The following SEMA6D variants were observed in gnomAD, a reference collection of about 807,000 sequenced individuals.
SEMA6D encodes the protein semaphorin 6D.
In SEMA6D, 35 loss-of-function variants were observed where a neutral mutation model predicts 106.6. The observed-to-expected ratio is 0.33, with a 90% CI of 0.25 to 0.44. SEMA6D has a LOEUF of 0.44. SEMA6D is among the 20% of genes least tolerant of loss of function. The pLI, the probability that SEMA6D is intolerant of heterozygous loss-of-function variation, is 1.00. For synonymous variants in SEMA6D, 499 were observed against 487.7 expected, an observed-to-expected ratio of 1.02 and a Z score of -0.31; for missense variants, 1,185 against 1,345.9, an observed-to-expected ratio of 0.88 and a Z score of 1.87.
At chr15:47,202,347 C>T (rs1267265895) in intron 1 of SEMA6D, among the ~76,000 whole-genome samples, 1 of 151,862 alleles carries the variant, frequency 6.6e-6, no homozygotes, top group East Asian at 1.9e-4. Context: ...AGGAGTTGGG[C>T]GGGTGGCCTC....
At chr15:47,759,588 T>C in intron 1 of SEMA6D, 157 bp from the exon 2 acceptor site, 1 of 578,454 alleles carries the variant, frequency 1.7e-6, no homozygotes. Context: ...TGCCATCTTT[T>C]GCCTGTGTTT....
At chr15:47,384,632 C>T (rs1223410995) in intron 1 of SEMA6D, among the ~76,000 whole-genome samples, 3 of 152,174 alleles carry the variant, frequency 2.0e-5, no homozygotes, top group East Asian at 1.9e-4. Context: ...CAAACGCCTA[C>T]ACGCCTCATG....
At chr15:47,495,785 A>C (rs886294374) in intron 3 of SEMA6D, among the ~76,000 whole-genome samples, 4 of 152,088 alleles carry the variant, frequency 2.6e-5, no homozygotes, top group Non-Finnish European at 4.4e-5. Context: ...AAATAATGAC[A>C]CATTTTAAAA....
At chr15:47,747,284 T>G (rs2081197849) in intron 1 of SEMA6D, among the ~76,000 whole-genome samples, 1 of 152,164 alleles carries the variant, frequency 6.6e-6, no homozygotes, top group Non-Finnish European at 1.5e-5. Flanking sequence ...CCCAGAGCAG[T>G]GGTTCTGATC....
chr15:47,260,907 G>A (rs944115200), intron 1 of SEMA6D, among the ~76,000 whole-genome samples: 4 of 152,094 alleles, frequency 2.6e-5, no homozygotes, highest in East Asian at 3.8e-4. Flanking sequence ...TTGCAGTTTC[G>A]CATCAGAAAA....
intron 2 of SEMA6D, among the ~76,000 whole-genome samples, chr15:47,442,432 C>G (rs956052801): frequency 1.3e-4 from 20 of 152,038 alleles, no homozygotes; most frequent in Non-Finnish European, 2.4e-4. Context: ...TAGGAAGGAA[C>G]TTTAGCCTGC....
At chr15:47,281,142 A>G (rs1188942877) in intron 1 of SEMA6D, among the ~76,000 whole-genome samples, 1 of 112,466 alleles carries the variant, frequency 8.9e-6, no homozygotes, top group African/African-American at 3.3e-5. Flanking sequence ...AAAGTCTCCC[A>G]TTACTAATGT....
chr15:47,424,568 T>C (rs758748147), intron 2 of SEMA6D, among the ~76,000 whole-genome samples: 5 of 152,136 alleles, frequency 3.3e-5, no homozygotes, highest in Non-Finnish European at 7.4e-5. Flanking sequence ...TATTTTTTAA[T>C]GTATTTATTC....
intron 1 of SEMA6D, among the ~76,000 whole-genome samples, chr15:47,722,058 T>C (rs1431081181): frequency 6.6e-6 from 1 of 152,228 alleles, no homozygotes; most frequent in Non-Finnish European, 1.5e-5. Flanking sequence ...TTCCATTGTT[T>C]GGCAACCTGT....
intron 1 of SEMA6D, among the ~76,000 whole-genome samples, chr15:47,235,307 A>T (rs1049128155): frequency 2.0e-5 from 3 of 151,578 alleles, no homozygotes; most frequent in African/African-American, 4.8e-5. Flanking sequence ...TACTCTGATG[A>T]TTTTTTTTAT....
At chr15:47,200,566 G>A (rs928017645) in intron 1 of SEMA6D, among the ~76,000 whole-genome samples, 1 of 151,982 alleles carries the variant, frequency 6.6e-6, no homozygotes, top group African/African-American at 2.4e-5. Context: ...TTATTCTAGT[G>A]AATTACTAAA....
intron 3 of SEMA6D, among the ~76,000 whole-genome samples, chr15:47,487,064 A>C (rs2043316628): frequency 6.6e-6 from 1 of 152,246 alleles, no homozygotes; most frequent in South Asian, 2.1e-4. Context: ...ATGCAAATGA[A>C]TATTTAAATC....
intron 1 of SEMA6D, among the ~76,000 whole-genome samples, chr15:47,262,174 A>T (rs189174113): frequency 1.1e-4 from 16 of 152,248 alleles, no homozygotes; most frequent in Admixed American, 9.8e-4. Context: ...CACTGCTCAA[A>T]GAAATCAGAG....
intron 3 of SEMA6D, among the ~76,000 whole-genome samples, chr15:47,598,610 T>C (rs922903735): frequency 1.3e-5 from 2 of 152,128 alleles, no homozygotes; most frequent in African/African-American, 2.4e-5. Flanking sequence ...TAAAAGCGTC[T>C]TCACCTGAAA....
chr15:47,340,046 G>A (rs1193917338), intron 1 of SEMA6D, among the ~76,000 whole-genome samples: 3 of 152,106 alleles, frequency 2.0e-5, no homozygotes, highest in Non-Finnish European at 4.4e-5. Context: ...AAATGAAGAA[G>A]CTAACCAAGT....
At chr15:47,229,312 C>G (rs1725245988) in intron 1 of SEMA6D, among the ~76,000 whole-genome samples, 1 of 151,948 alleles carries the variant, frequency 6.6e-6, no homozygotes, top group East Asian at 1.9e-4. Flanking sequence ...GCATCAGATG[C>G]TATTTCTTTG....
chr15:47,463,926 C>A (rs1041556970), intron 2 of SEMA6D, among the ~76,000 whole-genome samples: 1 of 152,120 alleles, frequency 6.6e-6, no homozygotes, highest in Non-Finnish European at 1.5e-5. Flanking sequence ...CACCTTGCCA[C>A]CTCCTCTCCT....
intron 3 of SEMA6D, among the ~76,000 whole-genome samples, chr15:47,507,282 G>T (rs1736101056): frequency 6.6e-6 from 1 of 152,148 alleles, no homozygotes; most frequent in Admixed American, 6.5e-5. Flanking sequence ...TGTTGTTATT[G>T]CCTTGATATG....
chr15:47,547,457 T>C (rs2045558806), intron 3 of SEMA6D, among the ~76,000 whole-genome samples: 1 of 152,162 alleles, frequency 6.6e-6, no homozygotes, highest in Non-Finnish European at 1.5e-5. Context: ...TTGTGAAATA[T>C]CTCAACTTTG....
Sources: gnomAD v4.1 joint callset for allele counts (sites outside exome capture counted in the v4.1 genomes callset) on GRCh38, gnomAD v4.1.1 for gene constraint, MANE v1.5 for transcripts, NCBI Gene and HGNC (gene_info 2026-07-23, HGNC 2026-07-21) for gene names.